Variants in VCF1 observed in about 807,000 individuals in gnomAD.
VCF1 encodes the protein VCP nuclear cofactor family member 1.
At chr17:73,209,298 C>A in the VCF1 span, 3,029 of 584,448 alleles carry the variant, frequency 5.2e-3, 16 homozygotes, top group Non-Finnish European at 6.7e-3. Context: ...AGATTTGATA[C>A]CCTCCCTCAA....
the VCF1 span, chr17:73,227,300 C>T: frequency 6.1e-6 from 9 of 1,480,904 alleles, no homozygotes; most frequent in Non-Finnish European, 8.2e-6. Flanking sequence ...AAAAAAAAAC[C>T]CAAACAACCG....
chr17:73,212,550 G>A, the VCF1 span: 4 of 647,576 alleles, frequency 6.2e-6, no homozygotes, highest in Non-Finnish European at 1.0e-5. Flanking sequence ...AGAAGTCAAA[G>A]TCAAAAACAA....
the VCF1 span, among the ~76,000 whole-genome samples, chr17:73,215,066 G>A: frequency 6.6e-6 from 1 of 152,182 alleles, no homozygotes; most frequent in Non-Finnish European, 1.5e-5. Context: ...CCCCTTGCAG[G>A]TCTGTGAACA....
the VCF1 span, among the ~76,000 whole-genome samples, chr17:73,225,284 G>A: frequency 2.0e-5 from 3 of 152,132 alleles, no homozygotes; most frequent in Non-Finnish European, 2.9e-5. Context: ...GTAACAAGAC[G>A]TTGTTTTCTT....
chr17:73,212,679 G>A, the VCF1 span: 30 of 1,594,814 alleles, frequency 1.9e-5, no homozygotes, highest in Non-Finnish European at 2.1e-5. Flanking sequence ...GAAACCCACC[G>A]CGCAGAACGC....
chr17:73,216,436 T>C, the VCF1 span, among the ~76,000 whole-genome samples: 1 of 151,814 alleles, frequency 6.6e-6, no homozygotes. Context: ...GGAAGGCCGA[T>C]GAGAAAGTCC....
At chr17:73,216,190 G>A in the VCF1 span, among the ~76,000 whole-genome samples, 4 of 152,090 alleles carry the variant, frequency 2.6e-5, no homozygotes, top group African/African-American at 9.7e-5. Context: ...AAGCAGGAAG[G>A]CAGGCCCAGG....
the VCF1 span, chr17:73,208,922 G>C: frequency 3.5e-6 from 1 of 284,556 alleles, no homozygotes; most frequent in South Asian, 3.6e-5. Context: ...ATATAACAAA[G>C]AGTAGAGACT....
the VCF1 span, chr17:73,232,220 C>T: frequency 8.1e-6 from 13 of 1,611,436 alleles, no homozygotes; most frequent in Non-Finnish European, 1.1e-5. Flanking sequence ...CTCTCGCAGC[C>T]GCTCGGGTGG....
chr17:73,207,853 T>C, the VCF1 span: 1 of 1,224,866 alleles, frequency 8.2e-7, no homozygotes, highest in Non-Finnish European at 1.0e-6. Flanking sequence ...GTGTATCCTT[T>C]CCGTATTCCC....
At chr17:73,218,888 C>G in the VCF1 span, among the ~76,000 whole-genome samples, 2 of 152,130 alleles carry the variant, frequency 1.3e-5, no homozygotes, top group East Asian at 3.9e-4. Context: ...GGCGTGGTGG[C>G]GTGCGCCTGT....
chr17:73,210,614 G>A, the VCF1 span, among the ~76,000 whole-genome samples: 3 of 151,494 alleles, frequency 2.0e-5, no homozygotes, highest in Non-Finnish European at 4.4e-5. Flanking sequence ...AATTTTTTTT[G>A]GAGACAAGGT....
chr17:73,217,443 A>G, the VCF1 span, among the ~76,000 whole-genome samples: 7 of 151,722 alleles, frequency 4.6e-5, no homozygotes, highest in Non-Finnish European at 1.0e-4. Flanking sequence ...CGAGGTCAAG[A>G]GATCGAGACC....
At chr17:73,207,436 G>T in the VCF1 span, 1 of 730,090 alleles carries the variant, frequency 1.4e-6, no homozygotes, top group Non-Finnish European at 2.4e-6. Flanking sequence ...CTACTAGAAG[G>T]TGTAAAAGAT....
chr17:73,227,138 AAC>A, the VCF1 span: 109 of 1,491,542 alleles, frequency 7.3e-5, no homozygotes, highest in Non-Finnish European at 9.6e-5. Context: ...CAGTGAAAAC[AAC>A]AGACTATGTG....
At chr17:73,220,929 C>A in the VCF1 span, among the ~76,000 whole-genome samples, 3 of 116,564 alleles carry the variant, frequency 2.6e-5, no homozygotes, top group Non-Finnish European at 4.9e-5. Flanking sequence ...GATGGAGTCT[C>A]GCTCTGTCGC....
the VCF1 span, among the ~76,000 whole-genome samples, chr17:73,219,637 G>A: frequency 5.4e-5 from 8 of 148,774 alleles, no homozygotes; most frequent in East Asian, 2.0e-4. Flanking sequence ...GCAACAGAGC[G>A]AGACTCTGTC....
chr17:73,220,601 C>T, the VCF1 span, among the ~76,000 whole-genome samples: 12 of 151,336 alleles, frequency 7.9e-5, no homozygotes, highest in South Asian at 4.2e-4. Flanking sequence ...TGCACCACCA[C>T]GCCCAGCCAA....
At chr17:73,221,670 C>T in the VCF1 span, among the ~76,000 whole-genome samples, 1 of 152,138 alleles carries the variant, frequency 6.6e-6, no homozygotes, top group African/African-American at 2.4e-5. Context: ...GGAAGGATTG[C>T]TTGAGCCCAG....
Sources: allele counts gnomAD v4.1 joint callset (sites outside exome capture counted in the v4.1 genomes callset), GRCh38; gene constraint gnomAD v4.1.1; transcripts MANE v1.5; gene names NCBI Gene and HGNC (gene_info 2026-07-23, HGNC 2026-07-21).